PCDHGA6: variants seen among roughly 807,000 people sequenced by gnomAD.
The protein encoded by PCDHGA6 is protocadherin gamma subfamily A, 6, also known as protocadherin gamma-A6.
A neutral mutation model predicts 60.6 loss-of-function variants in PCDHGA6; 41 were observed. The ratio of observed to expected loss-of-function variants is 0.68; its 90% CI spans 0.53 to 0.88. The LOEUF is 0.88. Ranked by LOEUF, PCDHGA6 falls within the 40% of genes least tolerant of loss-of-function variation. The pLI is 0.00. For synonymous variants in PCDHGA6, 594 were observed against 524.4 expected, an observed-to-expected ratio of 1.13 and a Z score of -1.81; for missense variants, 1,312 against 1,203.0, an observed-to-expected ratio of 1.09 and a Z score of -1.34.
At chr5:141,403,491 T>A in intron 1 of PCDHGA6, 1 of 1,614,010 alleles carries the variant, frequency 6.2e-7, no homozygotes, top group South Asian at 1.1e-5. Context: ...CACTTCTCCC[T>A]GAACGTGCAG....
chr5:141,384,221 AG>A, intron 1 of PCDHGA6: 1 of 1,613,936 alleles, frequency 6.2e-7, no homozygotes. Flanking sequence ...ATATTCATGC[AG>A]GTGGCAGACA....
intron 1 of PCDHGA6, among the ~76,000 whole-genome samples, chr5:141,461,768 C>T (rs532591390): frequency 1.3e-5 from 2 of 152,016 alleles, no homozygotes; most frequent in African/African-American, 4.8e-5. Context: ...ATTCTCCTGC[C>T]TCAGCCTCCC....
chr5:141,504,561 T>G (rs1023434942), intron 2 of PCDHGA6, among the ~76,000 whole-genome samples: 1 of 150,052 alleles, frequency 6.7e-6, no homozygotes, highest in Non-Finnish European at 1.5e-5. Context: ...GGGACTGGCA[T>G]TCTAGGGAAC....
chr5:141,383,721 T>C lies in PCDHGA6; in HGVS notation c.2424+7214T>C, dbSNP rs990608432. The C allele has an allele frequency of 6.2e-6, 10 of 1,613,892 alleles. No individual in the cohort carries two copies. The South Asian group carries it at 6.6e-5, about 11-fold the overall frequency. On this transcript the variant is annotated intron_variant, in intron 1 of 3. Coordinates refer to ENST00000517434, the MANE Select transcript of PCDHGA6 (RefSeq NM_018919.3). ...CTATCGACCTGGACGAGGGAGTCAA[T>C]GGGGAAGTGACATATTCTTTTCGGA...
Position 141,485,609 on chromosome 5 carries a change from G to C in PCDHGA6, c.2425-9198G>C, listed in dbSNP as rs1432367043. On this transcript the variant is annotated intron_variant, in intron 1 of 3. Coordinates refer to ENST00000517434, the MANE Select transcript of PCDHGA6 (RefSeq NM_018919.3). The surrounding 1 kb of genome is among the most constrained non-coding windows in gnomAD (Gnocchi z 5.7). ...GCTGGACTTGGAAATTGGGGAGGCA[G>C]CTCCTCCAGGACAGCGTTTCCCGTT... The C allele has an allele frequency of 1.2e-6, 2 of 1,612,138 alleles. No homozygotes were observed. Among genetic ancestry groups the C allele is most frequent in the Non-Finnish European group, 1.7e-6 (2 of 1,178,664 alleles).
chr5:141,448,621 T>C (rs2098597629), intron 1 of PCDHGA6, among the ~76,000 whole-genome samples: 1 of 152,168 alleles, frequency 6.6e-6, no homozygotes, highest in Admixed American at 6.5e-5. Flanking sequence ...TATATCTTCC[T>C]TTCTTCACAT....
At position 141,388,702 on chromosome 5, in the gene PCDHGA6, T is replaced by G. The variant is rs201901866; in HGVS notation, c.2424+12195T>G. 3.2e-3 allele frequency: 5,096 copies of G among 1,613,936 alleles called. 17 individuals are homozygous for G. The highest frequency in any genetic ancestry group is 8.9e-3 in the Middle Eastern group (54 of 6,062). On this transcript the variant is annotated intron_variant, in intron 1 of 3. Coordinates refer to ENST00000517434, the MANE Select transcript of PCDHGA6 (RefSeq NM_018919.3). ...ACTGCCACGGACCAGGATGAGGGTG[T>G]CAATGCCGAGATTACTTTCTCTTTC...
At chr5:141,421,080 C>CA (rs2096545590) in intron 1 of PCDHGA6, 1 of 638,250 alleles carries the variant, frequency 1.6e-6, no homozygotes, top group East Asian at 2.9e-5. Context: ...GATGGATACT[C>CA]ACAGATCCTG....
intron 1 of PCDHGA6, among the ~76,000 whole-genome samples, chr5:141,472,590 C>G (rs1161871973): frequency 6.6e-6 from 1 of 151,908 alleles, no homozygotes; most frequent in African/African-American, 2.4e-5. Flanking sequence ...GTCAGAAGCT[C>G]TCTTGAAATT....
chr5:141,428,443 G>T (rs1004000862), intron 1 of PCDHGA6: 5 of 383,870 alleles, frequency 1.3e-5, no homozygotes, highest in Non-Finnish European at 2.0e-5. Context: ...TAGACCAGGG[G>T]TTTTTCCCAA....
chr5:141,427,530 T>C (rs1302316196), intron 1 of PCDHGA6: 3 of 619,732 alleles, frequency 4.8e-6, no homozygotes, highest in Non-Finnish European at 9.0e-6. Context: ...GATCCCGGAG[T>C]ACAACGTCAC....
chr5:141,418,542 T>A (rs1260030087), intron 1 of PCDHGA6: 1 of 1,614,028 alleles, frequency 6.2e-7, no homozygotes, highest in South Asian at 1.1e-5. Context: ...ACTGCTCAGA[T>A]AAGAATCCTG....
At chr5:141,459,910 A>G (rs2098977946) in intron 1 of PCDHGA6, among the ~76,000 whole-genome samples, 2 of 152,042 alleles carry the variant, frequency 1.3e-5, no homozygotes, top group Non-Finnish European at 1.5e-5. Context: ...GAGCTATGGG[A>G]GTTTTAAAAT....
intron 1 of PCDHGA6, chr5:141,395,542 T>G (rs1357533541): frequency 1.8e-5 from 3 of 170,278 alleles, no homozygotes; most frequent in South Asian, 8.8e-5. Context: ...TTGCTATTGT[T>G]TGTGTGTGTG....
chr5:141,503,781 G>A (rs1393561411), intron 2 of PCDHGA6, among the ~76,000 whole-genome samples: 1 of 152,110 alleles, frequency 6.6e-6, no homozygotes, highest in East Asian at 1.9e-4. Flanking sequence ...TTCTTAGGCT[G>A]AGTTCATCTA....
At chr5:141,462,547 T>G (rs534942187) in intron 1 of PCDHGA6, among the ~76,000 whole-genome samples, 1 of 152,330 alleles carries the variant, frequency 6.6e-6, no homozygotes, top group African/African-American at 2.4e-5. Flanking sequence ...TCTTTTCTTC[T>G]TCAGTGTTTA....
chr5:141,486,823 A>G lies in PCDHGA6; in HGVS notation c.2425-7984A>G, dbSNP rs778308736. On this transcript the variant is annotated intron_variant, in intron 1 of 3. Coordinates refer to ENST00000517434, the MANE Select transcript of PCDHGA6 (RefSeq NM_018919.3). The surrounding 1 kb of genome is among the most constrained non-coding windows in gnomAD (Gnocchi z 5.0). Reference sequence around the variant, plus strand: ...ACCCACCCCTTAGCAGCACTGTAACAGTTCGTCTATTTGTGCTGGACCTCA... The same window carrying G: ...ACCCACCCCTTAGCAGCACTGTAACGGTTCGTCTATTTGTGCTGGACCTCA... 1.2e-6 allele frequency: 2 copies of G among 1,614,104 alleles called. No individual in the cohort carries two copies. Among genetic ancestry groups the G allele is most frequent in the Admixed American group, 1.7e-5 (1 of 60,008 alleles).
intron 1 of PCDHGA6, chr5:141,399,349 C>T (rs1467940246): frequency 6.2e-7 from 1 of 1,613,932 alleles, no homozygotes; most frequent in East Asian, 2.2e-5. Context: ...AACCCTAGAC[C>T]GAGAGCAAAC....
chr5:141,401,446 A>G (rs1200787289), intron 1 of PCDHGA6, among the ~76,000 whole-genome samples: 1 of 152,244 alleles, frequency 6.6e-6, no homozygotes, highest in Non-Finnish European at 1.5e-5. Context: ...GAAGGTCCAA[A>G]TCATCCAAAT....
Sources: gnomAD v4.1 joint callset for allele counts (sites outside exome capture counted in the v4.1 genomes callset) on GRCh38, gnomAD v4.1.1 for gene constraint, Gnocchi (gnomAD v3.1) non-coding constraint, MANE v1.5 for transcripts, NCBI Gene and HGNC (gene_info 2026-07-23, HGNC 2026-07-21) for gene names.